The following LRP1B variants were observed in gnomAD, a reference collection of about 807,000 sequenced individuals.
The protein encoded by LRP1B is low-density lipoprotein receptor-related protein 1B.
A neutral mutation model predicts 556.6 loss-of-function variants in LRP1B; 217 were observed. The observed-to-expected ratio is 0.39, with a 90% CI of 0.35 to 0.44. The LOEUF (loss-of-function observed/expected upper bound fraction) is 0.44, where lower values mean the gene tolerates loss of function less well. LRP1B is among the 20% of genes least tolerant of loss of function. LRP1B has a pLI of 1.00. For synonymous variants in LRP1B, 2,047 were observed against 1,865.8 expected, an observed-to-expected ratio of 1.10 and a Z score of -2.50; for missense variants, 5,053 against 5,620.8, an observed-to-expected ratio of 0.90 and a Z score of 3.23.
chr2:141,035,915 A>T (rs553013213), intron 11 of LRP1B, among the ~76,000 whole-genome samples: 7 of 152,172 alleles, frequency 4.6e-5, no homozygotes, highest in African/African-American at 7.2e-5. Context: ...AACTCTAAGG[A>T]AAAGGGAAAG....
chr2:141,539,503 G>A (rs1685179851), intron 2 of LRP1B, among the ~76,000 whole-genome samples: 2 of 152,116 alleles, frequency 1.3e-5, no homozygotes, highest in Non-Finnish European at 2.9e-5. Flanking sequence ...GGAAGTTTGT[G>A]CTCCTATTTT....
chr2:141,932,956 A>C (rs1301209466), intron 1 of LRP1B, among the ~76,000 whole-genome samples: 1 of 152,054 alleles, frequency 6.6e-6, no homozygotes, highest in Non-Finnish European at 1.5e-5. Flanking sequence ...CATGGCATGA[A>C]AATTTAACCT....
At chr2:140,329,568 T>C (rs1573801199) in intron 79 of LRP1B, among the ~76,000 whole-genome samples, 2 of 152,096 alleles carry the variant, frequency 1.3e-5, no homozygotes, top group South Asian at 4.2e-4. Flanking sequence ...CAAATCAATA[T>C]GCAAAAATCA....
At chr2:140,738,083 A>G (rs1688008205) in intron 35 of LRP1B, among the ~76,000 whole-genome samples, 1 of 152,122 alleles carries the variant, frequency 6.6e-6, no homozygotes, top group Non-Finnish European at 1.5e-5. Context: ...CCTTCTTACC[A>G]AAGAGAGAAG....
chr2:140,737,166 A>G (rs1328315055), intron 35 of LRP1B, among the ~76,000 whole-genome samples: 12 of 152,174 alleles, frequency 7.9e-5, no homozygotes. Context: ...TCCAGAACCC[A>G]GCAAATGAAG....
intron 2 of LRP1B, among the ~76,000 whole-genome samples, chr2:141,719,488 C>G (rs1013071192): frequency 2.6e-5 from 4 of 151,892 alleles, no homozygotes; most frequent in African/African-American, 9.7e-5. Context: ...TTCATTTTGC[C>G]CACTCATAAA....
At chr2:141,584,184 G>A (rs1018709658) in intron 2 of LRP1B, among the ~76,000 whole-genome samples, 1 of 151,936 alleles carries the variant, frequency 6.6e-6, no homozygotes, top group Non-Finnish European at 1.5e-5. Context: ...GACAAAGGTT[G>A]CAGTGAGCTG....
chr2:140,489,912 G>T (rs1447343194), intron 57 of LRP1B, among the ~76,000 whole-genome samples: 1 of 152,112 alleles, frequency 6.6e-6, no homozygotes, highest in Non-Finnish European at 1.5e-5. Context: ...AATTAAAGCT[G>T]CAAATGCAGA....
intron 2 of LRP1B, among the ~76,000 whole-genome samples, chr2:141,793,625 T>C (rs965464597): frequency 1.1e-4 from 17 of 151,938 alleles, no homozygotes; most frequent in African/African-American, 4.1e-4. Flanking sequence ...GCGAATAGCA[T>C]ATGAAAACTC....
intron 41 of LRP1B, among the ~76,000 whole-genome samples, chr2:140,694,484 T>A (rs571033884): frequency 6.6e-6 from 1 of 152,328 alleles, no homozygotes; most frequent in Admixed American, 6.5e-5. Context: ...TCTGGTAGCA[T>A]CTTAAGATTT....
chr2:141,670,219 C>A (rs944549205), intron 2 of LRP1B, among the ~76,000 whole-genome samples: 2 of 151,984 alleles, frequency 1.3e-5, no homozygotes, highest in Non-Finnish European at 2.9e-5. Context: ...ATTTGAGCTC[C>A]TTGAGGGCTT....
intron 86 of LRP1B, among the ~76,000 whole-genome samples, chr2:140,262,454 A>T (rs1386318958): frequency 6.6e-6 from 1 of 152,142 alleles, no homozygotes; most frequent in Non-Finnish European, 1.5e-5. Flanking sequence ...AGAGGCTAAT[A>T]GGCTACACCA....
intron 3 of LRP1B, among the ~76,000 whole-genome samples, chr2:141,331,912 T>C (rs561990350): frequency 6.6e-6 from 1 of 152,282 alleles, no homozygotes; most frequent in Admixed American, 6.5e-5. Context: ...TGTAGCTTCC[T>C]AGAATTATTT....
intron 7 of LRP1B, among the ~76,000 whole-genome samples, chr2:141,152,597 T>C (rs528773612): frequency 5.1e-4 from 77 of 151,952 alleles, no homozygotes; most frequent in African/African-American, 1.8e-3. Flanking sequence ...AGACAGGAAA[T>C]ATAAACACCA....
intron 7 of LRP1B, among the ~76,000 whole-genome samples, chr2:141,180,308 G>T (rs1378501488): frequency 6.7e-6 from 1 of 149,992 alleles, no homozygotes; most frequent in African/African-American, 2.5e-5. Context: ...TCAAATACAG[G>T]ACTACTGGCT....
chr2:141,275,230 T>A (rs768595841), intron 3 of LRP1B, among the ~76,000 whole-genome samples: 14 of 152,224 alleles, frequency 9.2e-5, no homozygotes, highest in Non-Finnish European at 1.9e-4. Context: ...GCATACTATG[T>A]GGTTCAGCTC....
At chr2:141,245,408 G>A (rs1684030099) in intron 5 of LRP1B, among the ~76,000 whole-genome samples, 1 of 152,156 alleles carries the variant, frequency 6.6e-6, no homozygotes, top group Non-Finnish European at 1.5e-5. Context: ...AGAAACAACT[G>A]AAGCTTGCTT....
chr2:140,241,629 ATATGTT>A (rs1041227650), intron 87 of LRP1B, among the ~76,000 whole-genome samples: 5 of 150,756 alleles, frequency 3.3e-5, no homozygotes, highest in Admixed American at 2.7e-4. Flanking sequence ...TAGACTTCTG[ATATGTT>A]TATGTAACCA....
chr2:140,496,382 TAC>T, intron 55 of LRP1B, among the ~76,000 whole-genome samples: 1 of 152,262 alleles, frequency 6.6e-6, no homozygotes, highest in East Asian at 1.9e-4. Context: ...AAATTTTTAA[TAC>T]ATAGTAATCC....
Sources: allele counts gnomAD v4.1 joint callset (sites outside exome capture counted in the v4.1 genomes callset), GRCh38; gene constraint gnomAD v4.1.1; transcripts MANE v1.5; gene names NCBI Gene and HGNC (gene_info 2026-07-23, HGNC 2026-07-21).